CPED1: variants seen among roughly 807,000 people sequenced by gnomAD.
CPED1 encodes the protein cadherin like and PC-esterase domain containing 1.
CPED1 carries 114 observed loss-of-function variants against 128.2 expected under a neutral mutation model. The observed-to-expected ratio is 0.89, with a 90% CI of 0.76 to 1.04. CPED1 has a LOEUF of 1.04. CPED1 is among the 50% of genes least tolerant of loss of function. The pLI is 0.00. For synonymous variants in CPED1, 462 were observed against 426.7 expected (o/e 1.08, Z -1.02); for missense variants, 1,211 against 1,207.1 (o/e 1.00, Z -0.05).
chr7:121,289,840 A>T (rs577094725), intron 22 of CPED1, among the ~76,000 whole-genome samples: 1 of 151,984 alleles, frequency 6.6e-6, no homozygotes, highest in Non-Finnish European at 1.5e-5. Context: ...AAGTTCTGGG[A>T]TACATATGCA....
At chr7:121,092,265 G>C (rs1794591896) in intron 5 of CPED1, among the ~76,000 whole-genome samples, 1 of 152,164 alleles carries the variant, frequency 6.6e-6, no homozygotes, top group Non-Finnish European at 1.5e-5. Context: ...CCCCACCCAT[G>C]TTATACACAT....
chr7:121,180,616 A>G (rs910299055), intron 16 of CPED1, among the ~76,000 whole-genome samples: 4 of 152,114 alleles, frequency 2.6e-5, no homozygotes, highest in East Asian at 1.9e-4. Flanking sequence ...TTCTTCTTTC[A>G]TATACTATTA....
intron 13 of CPED1, among the ~76,000 whole-genome samples, chr7:121,134,758 G>T (rs564177322): frequency 1.3e-5 from 2 of 152,114 alleles, no homozygotes; most frequent in South Asian, 4.1e-4. Context: ...GTTGGAGAGA[G>T]TGTATGGAAA....
intron 16 of CPED1, among the ~76,000 whole-genome samples, chr7:121,200,867 G>A (rs2116562808): frequency 6.6e-6 from 1 of 152,198 alleles, no homozygotes; most frequent in South Asian, 2.1e-4. Context: ...GAGAGCAATA[G>A]TGTCATTGTA....
chr7:121,060,260 AG>A (rs1459357847), intron 4 of CPED1, among the ~76,000 whole-genome samples: 1 of 152,158 alleles, frequency 6.6e-6, no homozygotes, highest in South Asian at 2.1e-4. Flanking sequence ...CTCCCTGATG[AG>A]CGCCGCCCCT....
chr7:121,282,635 A>G (rs1385983651), intron 22 of CPED1, among the ~76,000 whole-genome samples: 1 of 152,226 alleles, frequency 6.6e-6, no homozygotes, highest in Non-Finnish European at 1.5e-5. Context: ...AATGCTGGAC[A>G]CTGAATTTTA....
At chr7:121,274,019 T>C (rs978900292) in intron 22 of CPED1, among the ~76,000 whole-genome samples, 7 of 152,130 alleles carry the variant, frequency 4.6e-5, no homozygotes, top group Non-Finnish European at 8.8e-5. Context: ...TTAGAAAGAA[T>C]TTTTATTTGT....
intron 16 of CPED1, among the ~76,000 whole-genome samples, chr7:121,171,063 A>T (rs1796640741): frequency 4.0e-5 from 2 of 49,870 alleles, no homozygotes; most frequent in Admixed American, 4.0e-4. Flanking sequence ...TAAATACATA[A>T]AAAAAAAAAT....
intron 7 of CPED1, among the ~76,000 whole-genome samples, chr7:121,111,226 A>C (rs1795098978): frequency 6.6e-6 from 1 of 152,014 alleles, no homozygotes; most frequent in Non-Finnish European, 1.5e-5. Context: ...CCTACCAGAA[A>C]ATTTTTCTCC....
intron 5 of CPED1, among the ~76,000 whole-genome samples, chr7:121,064,558 T>C (rs1793777368): frequency 6.6e-6 from 1 of 152,244 alleles, no homozygotes; most frequent in African/African-American, 2.4e-5. Context: ...AATATATTTC[T>C]TGTTCTCCTT....
rs1335693909 is a variant in CPED1, at chr7:121,280,105, A to G, written c.2868+8675A>G. 1.9e-4 allele frequency among the ~76,000 whole-genome samples: 29 copies of G among 152,198 alleles called. 1 individual carries two copies. Among genetic ancestry groups the G allele is most frequent in the Admixed American group, 1.9e-3 (29 of 15,276 alleles). On this transcript the variant is annotated intron_variant, in intron 22 of 22. Coordinates refer to ENST00000310396, the MANE Select transcript of CPED1 (RefSeq NM_024913.5). ...AATCTTAAATAAAATATTTAAGTTC[A>G]AGAGCGTTAGATAGAAACAAATACC...
At position 121,135,602 on chromosome 7, in the gene CPED1, G is replaced by A. The variant is rs1327525297; in HGVS notation, c.1649-438G>A. Among the ~76,000 whole-genome samples the A allele has an allele frequency of 3.9e-5, 6 of 151,994 alleles. No homozygotes were observed. In the East Asian group the frequency reaches 1.2e-3, roughly 29 times the overall value. The stretch of plus-strand genomic sequence containing the variant: ...TAAATGAATGATTTAAGCACCCTGA[G>A]TGTTTTATTCATTCATTTGTTTCAT... On this transcript the variant is annotated intron_variant, in intron 13 of 22. Coordinates refer to ENST00000310396, the MANE Select transcript of CPED1 (RefSeq NM_024913.5).
intron 22 of CPED1, among the ~76,000 whole-genome samples, chr7:121,294,840 C>T (rs1792788999): frequency 6.9e-6 from 1 of 145,448 alleles, no homozygotes; most frequent in Non-Finnish European, 1.5e-5. Flanking sequence ...ACTAAATCTA[C>T]ATATATATCT....
intron 16 of CPED1, among the ~76,000 whole-genome samples, chr7:121,216,253 G>A (rs547588398): frequency 1.4e-4 from 19 of 138,582 alleles, no homozygotes; most frequent in Admixed American, 4.2e-4. Context: ...TCTTGTGTGC[G>A]TGGCTTCCAT....
intron 16 of CPED1, among the ~76,000 whole-genome samples, chr7:121,214,782 A>G (rs114606654): frequency 6.6e-6 from 1 of 152,164 alleles, no homozygotes; most frequent in African/African-American, 2.4e-5. Context: ...CTGAATGTTC[A>G]GTTTTGAAAG....
At chr7:121,114,862 G>A (rs1795198797) in intron 7 of CPED1, among the ~76,000 whole-genome samples, 1 of 152,190 alleles carries the variant, frequency 6.6e-6, no homozygotes, top group South Asian at 2.1e-4. Context: ...AGTAAAAAAG[G>A]ATAAAGGTAC....
At chr7:121,284,490 C>T (rs1792524741) in intron 22 of CPED1, among the ~76,000 whole-genome samples, 1 of 152,166 alleles carries the variant, frequency 6.6e-6, no homozygotes, top group Admixed American at 6.5e-5. Context: ...TCATCTGAGA[C>T]AAGGCAAGTC....
intron 7 of CPED1, among the ~76,000 whole-genome samples, chr7:121,103,834 GT>G (rs761646735): frequency 2.2e-4 from 34 of 152,120 alleles, no homozygotes; most frequent in Admixed American, 7.2e-4. Context: ...GCTAAAGAAG[GT>G]ATGAAGGCAA....
chr7:121,057,992 G>C (rs1361574430), intron 4 of CPED1, among the ~76,000 whole-genome samples: 2 of 152,142 alleles, frequency 1.3e-5, no homozygotes, highest in Non-Finnish European at 2.9e-5. Flanking sequence ...CACTCCCCAT[G>C]CCAGTGTCTG....
Sources: gnomAD v4.1 joint callset for allele counts (sites outside exome capture counted in the v4.1 genomes callset) on GRCh38, gnomAD v4.1.1 for gene constraint, MANE v1.5 for transcripts, NCBI Gene and HGNC (gene_info 2026-07-23, HGNC 2026-07-21) for gene names.